The following KIF6 variants were observed in gnomAD, a reference collection of about 807,000 sequenced individuals.
The protein encoded by KIF6 is kinesin-like protein KIF6.
A neutral mutation model predicts 112.7 loss-of-function variants in KIF6; 106 were observed. The observed-to-expected ratio is 0.94, with a 90% CI of 0.80 to 1.11. The LOEUF (loss-of-function observed/expected upper bound fraction) is 1.11, where lower values mean the gene tolerates loss of function less well. Among genes scored for constraint, KIF6 ranks in the 50% least tolerant of loss-of-function variants. The probability of loss-of-function intolerance (pLI) is 0.00; values close to 1 mark genes in which losing one functional copy is unlikely to be tolerated. For missense variants in KIF6, 929 were observed against 964.0 expected, an observed-to-expected ratio of 0.96 and a Z score of 0.48; for synonymous variants, 339 against 339.9, an observed-to-expected ratio of 1.00 and a Z score of 0.03.
At chr6:39,360,249 G>T in intron 18 of KIF6, 146 bp downstream of exon 18, 1 of 815,610 alleles carries the variant, frequency 1.2e-6, no homozygotes, top group Non-Finnish European at 1.9e-6. Context: ...TGTCATCCTT[G>T]TTACTACAGT....
chr6:39,622,949 G>A (rs1234302376), intron 5 of KIF6, among the ~76,000 whole-genome samples: 35 of 152,142 alleles, frequency 2.3e-4, no homozygotes, highest in Non-Finnish European at 4.9e-4. Context: ...TTTAAGGTGC[G>A]GTGGTGTGGG....
At chr6:39,633,391 G>T (rs1784456606) in intron 5 of KIF6, among the ~76,000 whole-genome samples, 1 of 152,168 alleles carries the variant, frequency 6.6e-6, no homozygotes, top group African/African-American at 2.4e-5. Flanking sequence ...TTGGGTTCCA[G>T]TCCCAGTCCT....
rs142574658 is a variant in KIF6, at chr6:39,517,086, C to T, written c.1645+22917G>A. 8.6e-4 allele frequency among the ~76,000 whole-genome samples: 131 copies of T among 152,250 alleles called. 1 individual carries two copies. Among genetic ancestry groups the T allele is most frequent in the African/African-American group, 2.9e-3 (122 of 41,548 alleles). On this transcript the variant is annotated intron_variant, in intron 13 of 22. Transcript: ENST00000287152. ...CTAGGAAACGGGCATCCATACTGTA[C>T]TGAAATACCCTACCCAAGTGTGTCA...
At chr6:39,433,523 G>A (rs2150384945) in intron 13 of KIF6, among the ~76,000 whole-genome samples, 1 of 152,344 alleles carries the variant, frequency 6.6e-6, no homozygotes, top group South Asian at 2.1e-4. Flanking sequence ...GTCCTGAAGT[G>A]CCAAGGGCTT....
chr6:39,635,522 T>G (rs2150759914), intron 4 of KIF6, among the ~76,000 whole-genome samples: 1 of 152,208 alleles, frequency 6.6e-6, no homozygotes. Flanking sequence ...GAGTGGACAT[T>G]AATAGTTCAC....
chr6:39,586,838 C>T lies in KIF6; in HGVS notation c.847-434G>A, dbSNP rs142916960. Among the ~76,000 whole-genome samples, 749 of 152,264 alleles carry T rather than the reference C, an allele frequency of 4.9e-3. 2 individuals carry two copies. Among genetic ancestry groups the T allele is most frequent in the Non-Finnish European group, 7.6e-3 (516 of 68,012 alleles). On this transcript the variant is annotated intron_variant, in intron 7 of 22. Coordinates refer to ENST00000287152, the MANE Select transcript of KIF6 (RefSeq NM_145027.6). Reference sequence around the variant, plus strand: ...GTGGTTGAGGTCCCAGATTCTCATGCAAGATTGTCTAGGTGCAAGTCCTGG... The same window carrying T: ...GTGGTTGAGGTCCCAGATTCTCATGTAAGATTGTCTAGGTGCAAGTCCTGG...
At chr6:39,705,435 A>G (rs1419728836) in intron 3 of KIF6, among the ~76,000 whole-genome samples, 1 of 152,246 alleles carries the variant, frequency 6.6e-6, no homozygotes, top group African/African-American at 2.4e-5. Context: ...CTCACTTTAT[A>G]AGAAATAAAG....
At chr6:39,559,616 G>T (rs1316769689) in intron 10 of KIF6, among the ~76,000 whole-genome samples, 1 of 152,092 alleles carries the variant, frequency 6.6e-6, no homozygotes, top group Admixed American at 6.6e-5. Flanking sequence ...GCTTAAATTT[G>T]CCATTGCATA....
intron 3 of KIF6, among the ~76,000 whole-genome samples, chr6:39,684,444 T>C (rs1180644563): frequency 6.6e-6 from 1 of 151,868 alleles, no homozygotes; most frequent in Non-Finnish European, 1.5e-5. Flanking sequence ...GGAGAAACCC[T>C]GTCTCTACTA....
rs562969302 is a variant in KIF6 at position 39,406,012 on chromosome 6, T to A, written c.1810+13936A>T. 8.5e-5 allele frequency among the ~76,000 whole-genome samples: 13 copies of A among 152,320 alleles called. No individual in the cohort carries two copies. In the South Asian group the frequency reaches 1.2e-3, roughly 15 times the overall value. ...CTTATCCTTTCAATGTCTGTAATGA[T>A]ATTTCCTCTTTCTTATTTATTTTTT... On this transcript the variant is annotated intron_variant, in intron 15 of 22. Transcript: ENST00000287152.
intron 8 of KIF6, 60 bp downstream of exon 8, chr6:39,586,201 G>A (rs543603674): frequency 2.5e-4 from 391 of 1,582,550 alleles, no homozygotes; most frequent in South Asian, 7.4e-4. Flanking sequence ...CCTCAACTCC[G>A]TCTCACGTGC....
intron 2 of KIF6, among the ~76,000 whole-genome samples, chr6:39,716,724 A>G (rs1789874705): frequency 6.6e-6 from 1 of 152,146 alleles, no homozygotes; most frequent in African/African-American, 2.4e-5. Flanking sequence ...GATTCTTAGG[A>G]GGTCTTTTCA....
chr6:39,537,852 C>T (rs1778537456), intron 13 of KIF6, among the ~76,000 whole-genome samples: 1 of 152,174 alleles, frequency 6.6e-6, no homozygotes, highest in Non-Finnish European at 1.5e-5. Context: ...CAGCATGGTA[C>T]TGGTACCAAA....
intron 12 of KIF6, among the ~76,000 whole-genome samples, chr6:39,543,839 C>G (rs957335858): frequency 1.3e-5 from 2 of 152,190 alleles, no homozygotes; most frequent in Non-Finnish European, 2.9e-5. Flanking sequence ...CTGGAGGCAG[C>G]ACATGCTCCC....
intron 13 of KIF6, among the ~76,000 whole-genome samples, chr6:39,506,527 TA>T (rs978646033): frequency 4.6e-5 from 7 of 151,220 alleles, no homozygotes; most frequent in Non-Finnish European, 7.4e-5. Flanking sequence ...AGTTGGAAAG[TA>T]AAAAAAAACC....
intron 13 of KIF6, among the ~76,000 whole-genome samples, chr6:39,440,110 G>C (rs1247236031): frequency 6.6e-6 from 1 of 152,092 alleles, no homozygotes; most frequent in Non-Finnish European, 1.5e-5. Flanking sequence ...AAGAAGACCA[G>C]CAGGGGACGA....
intron 14 of KIF6, among the ~76,000 whole-genome samples, chr6:39,423,662 T>C (rs1363634721): frequency 6.6e-6 from 1 of 152,098 alleles, no homozygotes; most frequent in African/African-American, 2.4e-5. Context: ...ACACCTCCCC[T>C]GTTTTTCCTG....
At chr6:39,711,682 A>G (rs560410310) in intron 3 of KIF6, among the ~76,000 whole-genome samples, 1 of 152,324 alleles carries the variant, frequency 6.6e-6, no homozygotes, top group South Asian at 2.1e-4. Flanking sequence ...TTATTAGAGG[A>G]TGATTACCAA....
intron 13 of KIF6, among the ~76,000 whole-genome samples, chr6:39,524,063 A>G (rs1777562087): frequency 6.6e-6 from 1 of 151,968 alleles, no homozygotes; most frequent in Non-Finnish European, 1.5e-5. Flanking sequence ...CATGTGTTTC[A>G]CAGAGTAAAT....
Sources: gnomAD v4.1 joint callset for allele counts (sites outside exome capture counted in the v4.1 genomes callset) on GRCh38, gnomAD v4.1.1 for gene constraint, MANE v1.5 for transcripts, NCBI Gene and HGNC (gene_info 2026-07-23, HGNC 2026-07-21) for gene names.